Variants in LYST observed in about 807,000 individuals in gnomAD.
LYST encodes lysosomal trafficking regulator.
LYST carries 192 observed loss-of-function variants against 413.6 expected under a neutral mutation model. The ratio of observed to expected loss-of-function variants is 0.46; its 90% CI spans 0.41 to 0.52. LYST has a LOEUF of 0.52. Ranked by LOEUF, LYST falls within the 20% of genes least tolerant of loss-of-function variation. The pLI, the probability that LYST is intolerant of heterozygous loss-of-function variation, is 0.00. For missense variants in LYST, 3,815 were observed against 4,499.9 expected (o/e 0.85, Z 4.35); for synonymous variants, 1,525 against 1,567.3 (o/e 0.97, Z 0.64).
intron 40 of LYST, among the ~76,000 whole-genome samples, chr1:235,717,633 A>G (rs1288898752): frequency 6.6e-6 from 1 of 152,140 alleles, no homozygotes; most frequent in Non-Finnish European, 1.5e-5. Flanking sequence ...GCAGCACCAT[A>G]ACTAGACCAA....
chr1:235,723,968 T>C (rs1457206180), intron 39 of LYST, 60 bp downstream of exon 39: 1 of 1,361,064 alleles, frequency 7.3e-7, no homozygotes, highest in Non-Finnish European at 1.1e-6. Flanking sequence ...AGTATGAGTA[T>C]AGTTACAGTG....
chr1:235,779,619 G>A (rs1323487314), intron 16 of LYST, among the ~76,000 whole-genome samples: 2 of 152,160 alleles, frequency 1.3e-5, no homozygotes, highest in Non-Finnish European at 2.9e-5. Context: ...GCACACTCAG[G>A]TTTGAGGAAC....
At chr1:235,714,039 G>A (rs1037909196) in intron 42 of LYST, among the ~76,000 whole-genome samples, 4 of 152,094 alleles carry the variant, frequency 2.6e-5, no homozygotes, top group Non-Finnish European at 4.4e-5. Context: ...GTTAAACACT[G>A]TAGGGGCCCA....
At chr1:235,858,803 T>C (rs1165643557) in intron 1 of LYST, among the ~76,000 whole-genome samples, 1 of 151,828 alleles carries the variant, frequency 6.6e-6, no homozygotes, top group East Asian at 1.9e-4. Context: ...GTTATGGGGG[T>C]GGGGAAGGGG....
rs1013673711 is a variant in LYST at position 235,686,593 on chromosome 1, T to G, written c.10800+356A>C. Among the ~76,000 whole-genome samples, 1 of 152,218 alleles carries G rather than the reference T, an allele frequency of 6.6e-6. No individual in the cohort carries two copies. Among genetic ancestry groups the G allele is most frequent in the African/African-American group, 2.4e-5 (1 of 41,462 alleles). ...TTAGTTTACCCAGAGGTTATCGGAATGTTGGACATTAGGGTTTCTAAGCTT... is the reference window on the plus strand; with the variant it reads ...TTAGTTTACCCAGAGGTTATCGGAAGGTTGGACATTAGGGTTTCTAAGCTT... On this transcript the variant is annotated intron_variant, in intron 48 of 52. Coordinates refer to ENST00000389793, the MANE Select transcript of LYST (RefSeq NM_000081.4). The surrounding 1 kb of genome is among the most constrained non-coding windows in gnomAD (Gnocchi z 4.0).
chr1:235,795,345 T>C (rs571410979), intron 10 of LYST, among the ~76,000 whole-genome samples: 1 of 152,126 alleles, frequency 6.6e-6, no homozygotes, highest in African/African-American at 2.4e-5. Flanking sequence ...TGAGTGTAAC[T>C]GTACAGTCTG....
At chr1:235,733,411 T>A (rs1664548061) in intron 34 of LYST, 92 bp downstream of exon 34, 6 of 1,090,736 alleles carry the variant, frequency 5.5e-6, no homozygotes, top group Admixed American at 1.8e-5. Flanking sequence ...GAAATGATTT[T>A]ATGAGTCTGA....
intron 4 of LYST, 41 bp downstream of exon 4, chr1:235,812,930 T>C (rs1175848118): frequency 7.8e-7 from 1 of 1,275,232 alleles, no homozygotes; most frequent in Non-Finnish European, 1.1e-6. Flanking sequence ...TTCTATGAAA[T>C]TTTGATAACA....
At position 235,762,784 on chromosome 1, in the gene LYST, C is replaced by A. The variant is rs755805102; in HGVS notation, c.6189G>T (p.Arg2063Ser). Residue 2063 changes from arginine (R) to serine (S), a missense_variant, in exon 22 of 53, where the codon AGG (arginine) becomes AGT (serine). By Grantham distance (110) the Arg-to-Ser change is moderately radical (BLOSUM62 -1). This residue lies in a region of LYST where 530 missense variants were observed against 696.5 expected (regional missense o/e 0.76). Transcript: ENST00000389793. ...MYLRHSSSGG[R>S]SLMSPGFMVI... ...CCATAAATCCAGGGCTCATAAGGGA[C>A]CTTCCTCCACTGCTGGAATGCCTCA... 14 of 1,613,014 alleles carry A rather than the reference C, an allele frequency of 8.7e-6. No individual in the cohort carries two copies. The South Asian group carries it at 1.3e-4, about 15-fold the overall frequency.
intron 8 of LYST, among the ~76,000 whole-genome samples, chr1:235,802,208 A>AC (rs1672315200): frequency 6.6e-6 from 1 of 150,594 alleles, no homozygotes; most frequent in Non-Finnish European, 1.5e-5. Context: ...AAAAAAAAAA[A>AC]AAAAAAAAAA....
chr1:235,693,528 T>C (rs1660841751), intron 46 of LYST, 42 bp from the exon 47 acceptor site: 1 of 1,612,442 alleles, frequency 6.2e-7, no homozygotes, highest in East Asian at 2.2e-5. Flanking sequence ...TTGTCACTGC[T>C]CGACTGTTAC....
chr1:235,815,815 A>G (rs755561019), intron 3 of LYST, among the ~76,000 whole-genome samples: 2 of 152,202 alleles, frequency 1.3e-5, no homozygotes, highest in Non-Finnish European at 2.9e-5. Context: ...AACATTCCAC[A>G]TTCATGAATA....
intron 29 of LYST, among the ~76,000 whole-genome samples, chr1:235,745,000 T>A (rs1235122958): frequency 6.6e-6 from 1 of 152,202 alleles, no homozygotes; most frequent in Non-Finnish European, 1.5e-5. Context: ...ATTACTGTTT[T>A]CTTTTTCCTG....
chr1:235,725,120 C>T (rs1178455124), intron 38 of LYST, among the ~76,000 whole-genome samples: 2 of 152,116 alleles, frequency 1.3e-5, no homozygotes, highest in Admixed American at 6.5e-5. Context: ...AAAGATTAGA[C>T]AAACAAATGT....
intron 30 of LYST, 33 bp from the exon 31 acceptor site, chr1:235,741,661 T>A: frequency 6.7e-7 from 1 of 1,495,300 alleles, no homozygotes; most frequent in Non-Finnish European, 9.3e-7. Flanking sequence ...TGAATTAGGA[T>A]CAGACTGCTT....
rs541622975 is a variant in LYST at position 235,774,922 on chromosome 1, G to A, written c.5625C>T (p.Tyr1875=). Residue 1875 remains tyrosine, a synonymous_variant, in exon 18 of 53, where the codon TAC becomes TAT. Coordinates refer to ENST00000389793, the MANE Select transcript of LYST (RefSeq NM_000081.4). ...TTTTATGAAGACATACCTTCAAAAT[G>A]TAAAACCCAACAATGCATTTTTGTT... ...LIKQKCIVGF[Y]ILKTLLEGCC... is the part of the protein sequence containing the mutation. 4 of 1,606,338 alleles carry A rather than the reference G, an allele frequency of 2.5e-6. No homozygotes were observed. The highest frequency in any genetic ancestry group is 2.2e-5 in the East Asian group (1 of 44,690).
chr1:235,752,258 T>G, intron 26 of LYST, 87 bp from the exon 27 acceptor site: 1 of 1,015,034 alleles, frequency 9.9e-7, no homozygotes, highest in Middle Eastern at 3.1e-4. Context: ...TTTAAATGGT[T>G]TAAATTCCTG....
chr1:235,717,718 T>A (rs1662969796), intron 40 of LYST, among the ~76,000 whole-genome samples: 1 of 152,006 alleles, frequency 6.6e-6, no homozygotes, highest in Non-Finnish European at 1.5e-5. Context: ...TTTTTTTTTT[T>A]AATATAAATT....
intron 39 of LYST, 74 bp downstream of exon 39, chr1:235,723,954 A>C: frequency 8.0e-7 from 1 of 1,250,514 alleles, no homozygotes. Context: ...ACCTTCATGT[A>C]ATCAGTATGA....
Sources: allele counts gnomAD v4.1 joint callset (sites outside exome capture counted in the v4.1 genomes callset), GRCh38; gene constraint gnomAD v4.1.1; regional missense constraint gnomAD v4.1.1; non-coding constraint Gnocchi (gnomAD v3.1); transcripts MANE v1.5; gene names NCBI Gene and HGNC (gene_info 2026-07-23, HGNC 2026-07-21).